ARHGAP17: variants seen among roughly 807,000 people sequenced by gnomAD.
ARHGAP17 encodes the protein Rho GTPase activating protein 17.
Under a neutral mutation model 99.5 loss-of-function variants are expected in ARHGAP17, and 57 were observed. The observed-to-expected ratio is 0.57, with a 90% confidence interval of 0.46 to 0.71. The LOEUF is 0.71. Ranked by LOEUF, ARHGAP17 falls within the 30% of genes least tolerant of loss-of-function variation. The probability of loss-of-function intolerance (pLI) is 0.00; values close to 1 mark genes in which losing one functional copy is unlikely to be tolerated. For synonymous variants in ARHGAP17, 417 were observed against 429.6 expected (o/e 0.97, Z 0.36); for missense variants, 1,000 against 1,122.4 (o/e 0.89, Z 1.56).
rs532237734 is a variant in ARHGAP17 at position 24,979,704 on chromosome 16, T to TTTA, written c.54-702_54-700dup. On this transcript the variant is annotated intron_variant, in intron 1 of 19. Coordinates refer to ENST00000289968, the MANE Select transcript of ARHGAP17 (RefSeq NM_001006634.3). Reference sequence around the variant, plus strand: ...ACTGTCAGACCATAATAATTTTTATTTTATTATTATTATTATTATTATTTG... The same window carrying TTTA: ...ACTGTCAGACCATAATAATTTTTATTTTATTATTATTATTATTATTATTATTTG... 2.1e-3 allele frequency among the ~76,000 whole-genome samples: 310 copies of TTTA among 150,594 alleles called. 1 individual carries two copies. The highest frequency in any genetic ancestry group is 8.0e-3 in the South Asian group (38 of 4,770).
intron 1 of ARHGAP17, among the ~76,000 whole-genome samples, chr16:24,995,534 G>A (rs1438361010): frequency 6.6e-6 from 1 of 152,194 alleles, no homozygotes; most frequent in East Asian, 1.9e-4. Context: ...CACGGGATCT[G>A]CTGAAGATTG....
chr16:24,970,502 C>T lies in ARHGAP17; in HGVS notation c.272+5G>A. The T allele has an allele frequency of 4.3e-6, 7 of 1,613,968 alleles. No homozygotes were observed. The highest frequency in any genetic ancestry group is 5.9e-6 in the Non-Finnish European group (7 of 1,179,850). On this transcript the variant is annotated splice_donor_5th_base_variant and intron_variant, in intron 4 of 19. Transcript: ENST00000289968. ...ACTTGGCACTCTGAAGGCAGCAACT[C>T]TTACCCCAGGAGAGAGTCTTCCAGC...
chr16:24,987,927 G>A (rs889907166), intron 1 of ARHGAP17, among the ~76,000 whole-genome samples: 3 of 152,106 alleles, frequency 2.0e-5, no homozygotes, highest in Non-Finnish European at 4.4e-5. Context: ...TTGTATGTAG[G>A]GTAACAACAT....
rs1313315720 is a variant in ARHGAP17, at chr16:25,015,365, G to A, written c.-104C>T. The A allele has an allele frequency of 3.7e-6, 4 of 1,080,102 alleles. No homozygotes were observed. Among genetic ancestry groups the A allele is most frequent in the Non-Finnish European group, 4.7e-6 (4 of 856,056 alleles). The allele number at this position is 1,080,102 out of a possible 1,614,324, so 66.9% of individuals were successfully genotyped here. A position where few individuals can be genotyped will look rare whatever the true frequency, so the allele number is the denominator to read the frequency against. On this transcript the variant is annotated 5_prime_UTR_variant, in exon 1 of 20. Coordinates refer to ENST00000289968, the MANE Select transcript of ARHGAP17 (RefSeq NM_001006634.3). ...CCGGCCCAAACGGCGGCGCGGCGGT[G>A]GCTCCCCGGGCCGGCGGCCCCGCCC...
rs748665526 is a variant in ARHGAP17, at chr16:24,939,560, G to A, written c.1528C>T (p.Arg510Trp). 4.4e-5 allele frequency: 71 copies of A among 1,607,546 alleles called. No individual in the cohort carries two copies. The highest frequency in any genetic ancestry group is 5.4e-5 in the Non-Finnish European group (64 of 1,177,806). The change falls in exon 17 of 20, where the codon CGG (arginine) becomes TGG (tryptophan). Residue 510 changes from arginine to tryptophan, a missense_variant. Arg to Trp is a moderately radical substitution (Grantham distance 101). Transcript: ENST00000289968. ...VKLMDFQAHRRGGTLNRKHIS... is the reference protein window; with the variant it reads ...VKLMDFQAHRWGGTLNRKHIS... ...TGCTTTCTATTTAGAGTGCCACCCC[G>A]CCGGTGGGCCTGGAAGTCCATAAGC...
rs558074530 is a variant in ARHGAP17, at chr16:24,919,444, A to G, written c.*686T>C. ...TCAAATTAAACATGAAACTAGAATAATGTTCGGTCCTTATCAAGTAGCAAT... is the reference window on the plus strand; with the variant it reads ...TCAAATTAAACATGAAACTAGAATAGTGTTCGGTCCTTATCAAGTAGCAAT... On this transcript the variant is annotated 3_prime_UTR_variant, in exon 20 of 20. Coordinates refer to ENST00000289968, the MANE Select transcript of ARHGAP17 (RefSeq NM_001006634.3). 3.3e-5 allele frequency: 5 copies of G among 152,748 alleles called. No individual in the cohort carries two copies. The South Asian group carries it at 1.0e-3, about 32-fold the overall frequency. The allele number at this position is 152,748 out of a possible 1,614,324, so 9.5% of individuals were successfully genotyped here. A position where few individuals can be genotyped will look rare whatever the true frequency, so the allele number is the denominator to read the frequency against.
Position 24,939,434 on chromosome 16 carries a change from T to C in ARHGAP17, c.1654A>G (p.Ser552Gly). Reference protein sequence around the residue: ...PPPQSSRAESSSGGGTVPSSA... With the variant: ...PPPQSSRAESGSGGGTVPSSA... ...GAGGGGACAGTCCCACCCCCAGAGCTGCTTTCAGCCCTAGAGCTCTGGGGA... is the reference window on the plus strand; with the variant it reads ...GAGGGGACAGTCCCACCCCCAGAGCCGCTTTCAGCCCTAGAGCTCTGGGGA... Residue 552 changes from serine to glycine, a missense_variant, in exon 17 of 20, where the codon AGC (serine) becomes GGC (glycine). Ser to Gly is a moderately conservative substitution (Grantham distance 56). Coordinates refer to ENST00000289968, the MANE Select transcript of ARHGAP17 (RefSeq NM_001006634.3). The C allele has an allele frequency of 1.9e-6, 3 of 1,612,178 alleles. No individual in the cohort carries two copies. Among genetic ancestry groups the C allele is most frequent in the Non-Finnish European group, 2.5e-6 (3 of 1,179,826 alleles).
intron 17 of ARHGAP17, 128 bp downstream of exon 17, chr16:24,939,236 G>C (rs925583694): frequency 1.2e-6 from 1 of 813,390 alleles, no homozygotes; most frequent in African/African-American, 1.8e-5. Context: ...AACCAGAGGA[G>C]TGAAAGTAAA....
intron 1 of ARHGAP17, among the ~76,000 whole-genome samples, chr16:24,982,997 T>TATATATATATA (rs60104036): frequency 1.8e-4 from 4 of 21,698 alleles, no homozygotes; most frequent in South Asian, 2.0e-3. Context: ...TATATATATA[T>TATATATATATA]TTTTTTTTTT....
rs1015403966 is a variant in ARHGAP17 at position 24,955,306 on chromosome 16, C to A, written c.725-576G>T. 1.3e-5 allele frequency: 2 copies of A among 152,238 alleles called. No individual in the cohort carries two copies. Among genetic ancestry groups the A allele is most frequent in the Non-Finnish European group, 1.5e-5 (1 of 68,062 alleles). The allele number at this position is 152,238 out of a possible 1,614,324, so 9.4% of individuals were successfully genotyped here. A position where few individuals can be genotyped will look rare whatever the true frequency, so the allele number is the denominator to read the frequency against. On this transcript the variant is annotated intron_variant, in intron 9 of 19. Transcript: ENST00000289968. This position sits in a 1 kb window ranked among gnomAD's most constrained non-coding sequence, Gnocchi z 4.0. Reference sequence around the variant, plus strand: ...CGGCATGCAGTGCTTCAGAACACCGCATCCCCAAACAGCTCCGAAAAATTC... The same window carrying A: ...CGGCATGCAGTGCTTCAGAACACCGAATCCCCAAACAGCTCCGAAAAATTC...
intron 1 of ARHGAP17, 28 bp from the exon 2 acceptor site, chr16:24,979,033 T>C (rs1054786209): frequency 3.3e-6 from 5 of 1,527,008 alleles, no homozygotes; most frequent in Non-Finnish European, 3.6e-6. Context: ...AATTCAGAGT[T>C]AGAAATCCAA....
chr16:24,955,040 G>A lies in ARHGAP17; in HGVS notation c.725-310C>T. ...TCATCAACACACGCCAGCGGGTTTA[G>A]TGGGCTGCCTTGAACCAAAAGGAAG... On this transcript the variant is annotated intron_variant, in intron 9 of 19. Coordinates refer to ENST00000289968, the MANE Select transcript of ARHGAP17 (RefSeq NM_001006634.3). The surrounding 1 kb of genome is among the most constrained non-coding windows in gnomAD (Gnocchi z 4.0). The A allele has an allele frequency of 7.1e-6, 2 of 280,202 alleles. No individual in the cohort carries two copies. The highest frequency in any genetic ancestry group is 1.3e-5 in the Non-Finnish European group (2 of 150,824). The allele number at this position is 280,202 out of a possible 1,614,324, so 17.4% of individuals were successfully genotyped here.
Position 24,942,067 on chromosome 16 carries a change from G to GT in ARHGAP17, c.1409dup (p.Asn470LysfsTer4), listed in dbSNP as rs1754020808. 1 of 1,613,990 alleles carries GT rather than the reference G, an allele frequency of 6.2e-7. No individual in the cohort carries two copies. ...TCTCCAGGGTCCCCGAGTCAGAGTC[G>GT]TTTCCAGTGTGGAATGAGTGATTAG... On this transcript the variant is annotated frameshift_variant, in exon 16 of 20. Transcript: ENST00000289968. LOFTEE classifies it high-confidence loss of function.
At chr16:24,953,962 G>C (rs2051725331) in intron 10 of ARHGAP17, among the ~76,000 whole-genome samples, 1 of 152,064 alleles carries the variant, frequency 6.6e-6, no homozygotes, top group South Asian at 2.1e-4. Flanking sequence ...GTTTAGTCAT[G>C]CAAGCACATC....
At chr16:24,947,973 T>C (rs1193905529) in intron 13 of ARHGAP17, among the ~76,000 whole-genome samples, 1 of 152,236 alleles carries the variant, frequency 6.6e-6, no homozygotes, top group Non-Finnish European at 1.5e-5. Context: ...TACAGGAAAC[T>C]GTATTTGAAA....
chr16:24,960,800 T>C (rs140272743), intron 7 of ARHGAP17, among the ~76,000 whole-genome samples: 3,830 of 144,538 alleles, frequency 0.026, 63 homozygotes, highest in Middle Eastern at 0.057. Context: ...CTGGCAACAG[T>C]GCAAGACTCC....
chr16:25,010,335 A>G (rs1189469349), intron 1 of ARHGAP17, among the ~76,000 whole-genome samples: 1 of 152,118 alleles, frequency 6.6e-6, no homozygotes. Context: ...CGGGCTCTCA[A>G]AGTGTCAGGA....
chr16:24,989,450 G>T (rs1316975863), intron 1 of ARHGAP17, among the ~76,000 whole-genome samples: 2 of 152,170 alleles, frequency 1.3e-5, no homozygotes, highest in Admixed American at 6.5e-5. Context: ...AAAAGATCTA[G>T]GAGGTAACAG....
chr16:24,984,574 T>G (rs1381613335), intron 1 of ARHGAP17, among the ~76,000 whole-genome samples: 1 of 151,858 alleles, frequency 6.6e-6, no homozygotes, highest in Non-Finnish European at 1.5e-5. Flanking sequence ...GAGAATGGTG[T>G]GATCCCGGGA....
Sources: allele counts gnomAD v4.1 joint callset (sites outside exome capture counted in the v4.1 genomes callset), GRCh38; gene constraint gnomAD v4.1.1; non-coding constraint Gnocchi (gnomAD v3.1); transcripts MANE v1.5; gene names NCBI Gene and HGNC (gene_info 2026-07-23, HGNC 2026-07-21).